The following TTC6 variants were observed in gnomAD, a reference collection of about 807,000 sequenced individuals.
TTC6 encodes tetratricopeptide repeat domain 6.
Under a neutral mutation model 210.4 loss-of-function variants are expected in TTC6, and 172 were observed. The observed-to-expected ratio is 0.82, with a 90% CI of 0.72 to 0.93. The LOEUF is 0.93. Ranked by LOEUF, TTC6 falls within the 40% of genes least tolerant of loss-of-function variation. TTC6 has a pLI of 0.00. For synonymous variants in TTC6, 804 were observed against 819.6 expected, an observed-to-expected ratio of 0.98 and a Z score of 0.32; for missense variants, 2,414 against 2,318.1, an observed-to-expected ratio of 1.04 and a Z score of -0.85.
chr14:37,646,126 C>T (rs547469639), intron 1 of TTC6, among the ~76,000 whole-genome samples: 1 of 152,184 alleles, frequency 6.6e-6, no homozygotes, highest in South Asian at 2.1e-4. Context: ...GCAATTGGCA[C>T]TATAATACAT....
exon 10 of TTC6, chr14:37,739,146 C>G (rs1053103827): frequency 6.7e-7 from 1 of 1,502,126 alleles, no homozygotes; most frequent in African/African-American, 1.4e-5. Context: ...CCTCCAAAAT[C>G]TCTTGAAAGG....
chr14:37,766,744 G>T (rs1238190719), intron 14 of TTC6, among the ~76,000 whole-genome samples: 2 of 152,098 alleles, frequency 1.3e-5, no homozygotes, highest in Non-Finnish European at 2.9e-5. Flanking sequence ...TGATTGCTGG[G>T]TTGAATGGTA....
Position 37,680,273 on chromosome 14 carries a change from A to G in TTC6, c.1050+12A>G. ...AGGAATCGCAAATGGTAAAGTCTTT[A>G]ATAAAAATCCTCCTTGCCTCTGTTA... is the stretch of plus-strand genomic sequence containing the variant. On this transcript the variant is annotated intron_variant, in intron 2 of 30. Coordinates refer to ENST00000553443, the Ensembl canonical transcript of TTC6. The G allele has an allele frequency of 6.8e-7, 1 of 1,472,156 alleles. No individual in the cohort carries two copies. Among genetic ancestry groups the G allele is most frequent in the South Asian group, 1.3e-5 (1 of 79,268 alleles). The allele number at this position is 1,472,156 out of a possible 1,614,324, so 91.2% of individuals were successfully genotyped here.
chr14:37,821,029 T>TTCTTCTTCTTCTTCC, intron 26 of TTC6, among the ~76,000 whole-genome samples: 1 of 3,662 alleles, frequency 2.7e-4, no homozygotes, highest in Non-Finnish European at 2.6e-3. Context: ...CTTCCTCTTC[T>TTCTTCTTCTTCTTCC]TCTTCTTCTT....
intron 1 of TTC6, among the ~76,000 whole-genome samples, chr14:37,676,096 G>T (rs1315379713): frequency 1.3e-5 from 2 of 152,012 alleles, no homozygotes; most frequent in East Asian, 1.9e-4. Context: ...TTTCTGTTGC[G>T]TGGTGATATT....
chr14:37,745,507 C>T (rs1367589296), intron 10 of TTC6, among the ~76,000 whole-genome samples: 1 of 152,078 alleles, frequency 6.6e-6, no homozygotes, highest in African/African-American at 2.4e-5. Context: ...CCCTTACTAC[C>T]ATTATCTTCC....
In TTC6 at chr14:37,790,870, G is replaced by C. The variant is rs559856958; in HGVS notation, c.3557+33G>C. 6.7e-6 allele frequency: 10 copies of C among 1,499,324 alleles called. No homozygotes were observed. In the African/African-American group the frequency reaches 1.4e-4, roughly 21 times the overall value. The allele number at this position is 1,499,324 out of a possible 1,614,324, so 92.9% of individuals were successfully genotyped here. A position where few individuals can be genotyped will look rare whatever the true frequency, so the allele number is the denominator to read the frequency against. On this transcript the variant is annotated intron_variant, in intron 16 of 30. Transcript: ENST00000553443. Reference sequence around the variant, plus strand: ...TTCCTTTTCATATTTATTGATTTCAGTTTTGTAAAAAATCGAAAACCTGAA... The same window carrying C: ...TTCCTTTTCATATTTATTGATTTCACTTTTGTAAAAAATCGAAAACCTGAA...
chr14:37,787,469 A>G (rs1394647566), exon 15 of TTC6: 1 of 1,513,156 alleles, frequency 6.6e-7, no homozygotes, highest in Non-Finnish European at 8.8e-7. Context: ...TTTTCCTAGG[A>G]CATACCGAGG....
At chr14:37,653,279 C>G (rs543260389) in intron 1 of TTC6, among the ~76,000 whole-genome samples, 1 of 152,296 alleles carries the variant, frequency 6.6e-6, no homozygotes, top group South Asian at 2.1e-4. Flanking sequence ...GATGTGGCTC[C>G]TCTTTCATTT....
rs200313715 is a variant in TTC6 at position 37,653,385 on chromosome 14, T to TC, written c.940-26765dup. Among the ~76,000 whole-genome samples, 409 of 152,374 alleles carry TC rather than the reference T, an allele frequency of 2.7e-3. 2 individuals carry two copies. Among genetic ancestry groups the TC allele is most frequent in the African/African-American group, 9.2e-3 (381 of 41,592 alleles). ...ATTTTCCCCTTTGTTTTCTCAATTC[T>TC]CACTTTCTGTAACTTCTATTATTTG... On this transcript the variant is annotated intron_variant, in intron 1 of 30. Coordinates refer to ENST00000553443, the Ensembl canonical transcript of TTC6.
At chr14:37,833,280 A>G (rs2096190293) in intron 29 of TTC6, among the ~76,000 whole-genome samples, 1 of 152,138 alleles carries the variant, frequency 6.6e-6, no homozygotes, top group South Asian at 2.1e-4. Context: ...ATTGCTTTAT[A>G]TATCTGGGTG....
At chr14:37,682,594 T>A (rs1487732524) in intron 2 of TTC6, among the ~76,000 whole-genome samples, 164 bp from the exon 5 acceptor site, 1 of 152,186 alleles carries the variant, frequency 6.6e-6, no homozygotes, top group Non-Finnish European at 1.5e-5. Flanking sequence ...TTAAGTCAAT[T>A]TGAGCTTCTC....
chr14:37,637,061 G>C (rs2095682234), intron 1 of TTC6, among the ~76,000 whole-genome samples: 1 of 151,534 alleles, frequency 6.6e-6, no homozygotes, highest in Non-Finnish European at 1.5e-5. Flanking sequence ...AATGGTTCTG[G>C]AACTAGTAGA....
intron 2 of TTC6, among the ~76,000 whole-genome samples, chr14:37,610,104 A>C (rs2095631907): frequency 6.6e-6 from 1 of 152,212 alleles, no homozygotes; most frequent in Admixed American, 6.5e-5. Flanking sequence ...GAGGGAAAGC[A>C]ACTGGCCCAC....
At chr14:37,669,888 C>T (rs557332096) in intron 1 of TTC6, among the ~76,000 whole-genome samples, 214 of 152,256 alleles carry the variant, frequency 1.4e-3, no homozygotes, top group Admixed American at 2.7e-3. Context: ...ATTAAATCCT[C>T]TGTGAGATTA....
intron 2 of TTC6, among the ~76,000 whole-genome samples, chr14:37,609,815 A>T (rs2139244674): frequency 6.6e-6 from 1 of 152,278 alleles, no homozygotes; most frequent in Middle Eastern, 3.4e-3. Flanking sequence ...CTATTTGTTT[A>T]TTATTTTAAT....
At chr14:37,773,202 C>G (rs2096025991) in intron 14 of TTC6, among the ~76,000 whole-genome samples, 1 of 152,102 alleles carries the variant, frequency 6.6e-6, no homozygotes, top group Non-Finnish European at 1.5e-5. Flanking sequence ...AATACTTTCT[C>G]CCATTCAGTA....
intron 1 of TTC6, 98 bp downstream of exon 1, chr14:37,596,106 A>C (rs2095603844): frequency 6.6e-6 from 1 of 151,718 alleles, no homozygotes; most frequent in African/African-American, 2.4e-5. Context: ...AGCGACCACA[A>C]AGAGGAAGAA....
chr14:37,836,701 A>G (rs2096198697), intron 29 of TTC6, among the ~76,000 whole-genome samples: 1 of 152,158 alleles, frequency 6.6e-6, no homozygotes, highest in African/African-American at 2.4e-5. Flanking sequence ...GTGTTCAGCT[A>G]TTCTAGCATG....
Sources: gnomAD v4.1 joint callset for allele counts (sites outside exome capture counted in the v4.1 genomes callset) on GRCh38, gnomAD v4.1.1 for gene constraint, MANE v1.5 for transcripts, NCBI Gene and HGNC (gene_info 2026-07-23, HGNC 2026-07-21) for gene names.